Variants in LOC112694756 observed in about 807,000 individuals in gnomAD.
At chr16:30,069,094 C>T in the LOC112694756 span, 1 of 1,513,018 alleles carries the variant, frequency 6.6e-7, no homozygotes, top group South Asian at 1.2e-5. Context: ...TAGCTTTGGC[C>T]CGTGGAGGAC....
At chr16:30,064,765 C>T in the LOC112694756 span, 29 of 291,168 alleles carry the variant, frequency 1.0e-4, no homozygotes, top group African/African-American at 6.1e-4. Flanking sequence ...GCTCTGCCGG[C>T]TCCTTCGGCC....
At chr16:30,068,209 C>T in the LOC112694756 span, 8 of 319,364 alleles carry the variant, frequency 2.5e-5, no homozygotes, top group Admixed American at 9.0e-5. Flanking sequence ...GGACTACAGG[C>T]GCCCGCCACC....
At chr16:30,062,379 T>C in the LOC112694756 span, among the ~76,000 whole-genome samples, 1 of 146,042 alleles carries the variant, frequency 6.8e-6, no homozygotes, top group African/African-American at 2.6e-5. Flanking sequence ...ATACAAAAAA[T>C]GAATTAGCCA....
chr16:30,064,084 GCTTCC>G, the LOC112694756 span: 6 of 399,466 alleles, frequency 1.5e-5, no homozygotes, highest in African/African-American at 1.0e-4. Flanking sequence ...AGGTGCCCTG[GCTTCC>G]CTTCCCCTCC....
chr16:30,066,797 C>A, the LOC112694756 span: 1 of 1,421,898 alleles, frequency 7.0e-7, no homozygotes. Context: ...TTTCCCATAT[C>A]TGGGCCCTTT....
chr16:30,067,311 C>G, the LOC112694756 span: 4 of 1,613,136 alleles, frequency 2.5e-6, no homozygotes, highest in African/African-American at 1.3e-5. Context: ...TGTCTGACAT[C>G]GCTCACCGCA....
At chr16:30,067,863 T>G in the LOC112694756 span, 2 of 660,572 alleles carry the variant, frequency 3.0e-6, no homozygotes, top group South Asian at 3.6e-5. Context: ...CATGAAAATC[T>G]CAGAAGCTCA....
the LOC112694756 span, among the ~76,000 whole-genome samples, chr16:30,054,325 A>C: frequency 6.6e-5 from 10 of 152,210 alleles, no homozygotes; most frequent in African/African-American, 2.4e-4. Context: ...AATAAGAATA[A>C]TAATAATAAA....
At chr16:30,058,589 G>T in the LOC112694756 span, among the ~76,000 whole-genome samples, 1 of 151,700 alleles carries the variant, frequency 6.6e-6, no homozygotes, top group Non-Finnish European at 1.5e-5. Context: ...GGGTTCAAGC[G>T]ATTCTCCTGC....
At chr16:30,067,138 A>G in the LOC112694756 span, 1 of 1,586,084 alleles carries the variant, frequency 6.3e-7, no homozygotes, top group Non-Finnish European at 8.6e-7. Flanking sequence ...GGAGGTAGGG[A>G]ACATTTCCCT....
At chr16:30,062,501 C>G in the LOC112694756 span, among the ~76,000 whole-genome samples, 1 of 143,152 alleles carries the variant, frequency 7.0e-6, no homozygotes, top group Non-Finnish European at 1.5e-5. Context: ...CATGGCACTC[C>G]AGCCTGGCAA....
the LOC112694756 span, among the ~76,000 whole-genome samples, chr16:30,065,417 C>G: frequency 2.6e-5 from 4 of 152,200 alleles, no homozygotes; most frequent in African/African-American, 9.6e-5. Flanking sequence ...TCGTTTCCGA[C>G]TTTTCCATCC....
the LOC112694756 span, among the ~76,000 whole-genome samples, chr16:30,059,772 AGGCTGGTCT>A: frequency 2.0e-5 from 3 of 151,442 alleles, no homozygotes; most frequent in Admixed American, 6.6e-5. Flanking sequence ...CATGTTGGCC[AGGCTGGTCT>A]TGAATTCCTG....
At chr16:30,067,333 G>C in the LOC112694756 span, 2 of 1,613,680 alleles carry the variant, frequency 1.2e-6, no homozygotes, top group Non-Finnish European at 1.7e-6. Context: ...CGTGGCACCT[G>C]GCAAGGGCAT....
chr16:30,056,560 G>A, the LOC112694756 span, among the ~76,000 whole-genome samples: 1 of 151,940 alleles, frequency 6.6e-6, no homozygotes, highest in African/African-American at 2.4e-5. Context: ...AAAATGGGGT[G>A]GTATCATGTA....
At chr16:30,058,253 TGA>T in the LOC112694756 span, among the ~76,000 whole-genome samples, 1 of 152,188 alleles carries the variant, frequency 6.6e-6, no homozygotes, top group African/African-American at 2.4e-5. Flanking sequence ...TTTCTGTCCT[TGA>T]GCTGTCTTTC....
chr16:30,070,340 TGTGGTGTC>T, the LOC112694756 span: 1 of 835,296 alleles, frequency 1.2e-6, no homozygotes, highest in Admixed American at 2.0e-5. Flanking sequence ...GACAGTGGTG[TGTGGTGTC>T]GTCTGTGAAT....
the LOC112694756 span, chr16:30,068,738 C>G: frequency 6.2e-7 from 1 of 1,614,210 alleles, no homozygotes; most frequent in Non-Finnish European, 8.5e-7. Context: ...CGAACCCAAC[C>G]AGAGCAGGTT....
At chr16:30,061,622 C>T in the LOC112694756 span, among the ~76,000 whole-genome samples, 3 of 121,392 alleles carry the variant, frequency 2.5e-5, no homozygotes, top group Admixed American at 1.1e-4. Flanking sequence ...TGCAGTGGGT[C>T]GATCTCGGCT....
Sources: gnomAD v4.1 joint callset for allele counts (sites outside exome capture counted in the v4.1 genomes callset) on GRCh38, gnomAD v4.1.1 for gene constraint, MANE v1.5 for transcripts.